Variants in CSMD1 observed in about 807,000 individuals in gnomAD.
CSMD1 encodes the protein CUB and Sushi multiple domains 1, also known as CUB and sushi domain-containing protein 1.
In CSMD1, 213 loss-of-function variants were observed where a neutral mutation model predicts 417.5. That is an observed-to-expected ratio of 0.51 (90% confidence interval 0.46 to 0.57). The LOEUF is 0.57. CSMD1 is among the 20% of genes least tolerant of loss of function. The probability of loss-of-function intolerance (pLI) is 0.00; values close to 1 mark genes in which losing one functional copy is unlikely to be tolerated. For missense variants in CSMD1, 6,923 were observed against 4,529.7 expected (o/e 1.53, Z -15.17); for synonymous variants, 2,862 against 1,736.8 (o/e 1.65, Z -16.11).
intron 1 of CSMD1, among the ~76,000 whole-genome samples, chr8:4,799,504 C>G (rs565171641): frequency 7.3e-6 from 1 of 136,408 alleles, no homozygotes; most frequent in African/African-American, 2.7e-5. Flanking sequence ...GAGCCTGGGG[C>G]AGGAGAATTG....
chr8:4,044,879 G>C lies in CSMD1; in HGVS notation c.416-12780C>G, dbSNP rs61455362. Reference sequence around the variant, plus strand: ...GGACTGCACCATCCTGAACTTTGCAGCCCTCAGGCCCAGACTGACTTCTCC... The same window carrying C: ...GGACTGCACCATCCTGAACTTTGCACCCCTCAGGCCCAGACTGACTTCTCC... On this transcript the variant is annotated intron_variant, in intron 3 of 69. Transcript: ENST00000635120. Among the ~76,000 whole-genome samples the C allele has an allele frequency of 4.1e-3, 625 of 152,338 alleles. 5 individuals are homozygous for C. Among genetic ancestry groups the C allele is most frequent in the Non-Finnish European group, 7.0e-3 (473 of 68,030 alleles).
At chr8:3,188,082 GTATATGTATATATATATACATATACA>G in intron 35 of CSMD1, 117 bp from the exon 36 acceptor site, 1 of 327,438 alleles carries the variant, frequency 3.1e-6, no homozygotes, top group Middle Eastern at 9.1e-4. Flanking sequence ...ATATACATAT[GTATATGTATATATATATACATATACA>G]CCTTAATAAT....
intron 3 of CSMD1, among the ~76,000 whole-genome samples, chr8:4,138,580 G>C (rs1803581961): frequency 6.6e-6 from 1 of 151,956 alleles, no homozygotes. Flanking sequence ...TCAGATCCTA[G>C]ATTCTTAGAA....
chr8:4,447,013 A>T (rs1282458841), intron 2 of CSMD1, among the ~76,000 whole-genome samples: 1 of 151,942 alleles, frequency 6.6e-6, no homozygotes, highest in African/African-American at 2.4e-5. Flanking sequence ...GTTGCATGGA[A>T]GGGATTGTGG....
chr8:4,511,311 T>G (rs559120839), intron 2 of CSMD1, among the ~76,000 whole-genome samples: 2 of 152,142 alleles, frequency 1.3e-5, no homozygotes, highest in Admixed American at 6.5e-5. Flanking sequence ...CCTCATCAAC[T>G]GCCCTCATAG....
chr8:3,501,682 T>C (rs749034600), intron 10 of CSMD1, among the ~76,000 whole-genome samples: 2 of 152,168 alleles, frequency 1.3e-5, no homozygotes, highest in Non-Finnish European at 1.5e-5. Flanking sequence ...TTTCAAACAG[T>C]GAATTTCCTC....
At chr8:3,437,338 G>A (rs1814628921) in intron 12 of CSMD1, among the ~76,000 whole-genome samples, 1 of 152,076 alleles carries the variant, frequency 6.6e-6, no homozygotes, top group Non-Finnish European at 1.5e-5. Context: ...CCTCAACTCG[G>A]GAAATCTTAT....
intron 5 of CSMD1, among the ~76,000 whole-genome samples, chr8:3,756,878 C>T (rs1440742587): frequency 1.3e-5 from 2 of 152,170 alleles, no homozygotes; most frequent in African/African-American, 2.4e-5. Context: ...TCACAGCAGT[C>T]TCCGACTCCT....
intron 3 of CSMD1, among the ~76,000 whole-genome samples, chr8:4,044,692 G>A: frequency 6.6e-6 from 1 of 151,492 alleles, no homozygotes; most frequent in East Asian, 1.9e-4. Context: ...CTACAATCCT[G>A]GCTGCGTACA....
chr8:3,731,682 G>C (rs575110124), intron 6 of CSMD1, among the ~76,000 whole-genome samples: 40 of 152,300 alleles, frequency 2.6e-4, no homozygotes, highest in African/African-American at 9.6e-4. Flanking sequence ...AGCAACAATT[G>C]AGGAAACAAA....
At chr8:4,902,317 G>C (rs1352061760) in intron 1 of CSMD1, among the ~76,000 whole-genome samples, 1 of 151,178 alleles carries the variant, frequency 6.6e-6, no homozygotes, top group African/African-American at 2.4e-5. Context: ...CACGCCTCTA[G>C]TCCCAGCCAC....
chr8:3,441,418 C>T (rs1160707681), intron 12 of CSMD1, among the ~76,000 whole-genome samples: 2 of 151,678 alleles, frequency 1.3e-5, no homozygotes, highest in South Asian at 2.1e-4. Context: ...TAATAAATGA[C>T]ATTGATTTTG....
In CSMD1 at chr8:4,265,107, T is replaced by G. The variant is rs141477848; in HGVS notation, c.415+154846A>C. Among the ~76,000 whole-genome samples, 914 of 152,240 alleles carry G rather than the reference T, an allele frequency of 6.0e-3. 7 individuals are homozygous for G. The highest frequency in any genetic ancestry group is 0.02 in the Middle Eastern group (6 of 294). On this transcript the variant is annotated intron_variant, in intron 3 of 69. Coordinates refer to ENST00000635120, the MANE Select transcript of CSMD1 (RefSeq NM_033225.6). ...TCATCATATTCAGAGCTCTTCAAAT[T>G]AAGTTGAAAAACTGTCCTCTAACTT...
chr8:3,207,945 G>A (rs1797397626), intron 30 of CSMD1, among the ~76,000 whole-genome samples: 1 of 152,090 alleles, frequency 6.6e-6, no homozygotes, highest in Non-Finnish European at 1.5e-5. Context: ...ATAGAATGCT[G>A]GCATCACTCA....
intron 50 of CSMD1, among the ~76,000 whole-genome samples, chr8:3,037,633 G>T (rs957706444): frequency 6.6e-6 from 1 of 152,078 alleles, no homozygotes; most frequent in Admixed American, 6.6e-5. Flanking sequence ...CTGCTGGAGC[G>T]GACGGTAAGA....
At chr8:4,051,352 G>A (rs73496786) in intron 3 of CSMD1, among the ~76,000 whole-genome samples, 2,286 of 151,472 alleles carry the variant, frequency 0.015, 52 homozygotes, top group East Asian at 0.086. Context: ...AGACTCGGCA[G>A]CTTCTTTCAC....
chr8:3,726,160 G>A (rs1802483238), intron 6 of CSMD1, among the ~76,000 whole-genome samples: 1 of 151,952 alleles, frequency 6.6e-6, no homozygotes, highest in South Asian at 2.1e-4. Context: ...GAGGCGTCCT[G>A]CCAATCTCCA....
chr8:3,144,932 C>G (rs1195252917), intron 40 of CSMD1, among the ~76,000 whole-genome samples: 1 of 152,062 alleles, frequency 6.6e-6, no homozygotes, highest in Non-Finnish European at 1.5e-5. Flanking sequence ...GTGGCACATC[C>G]AGATCTGCTT....
chr8:4,552,300 C>T (rs548135297), intron 2 of CSMD1, among the ~76,000 whole-genome samples: 5 of 152,082 alleles, frequency 3.3e-5, no homozygotes, highest in East Asian at 1.9e-4. Context: ...TTCCCTGAAA[C>T]GTTATGCATA....
Sources: allele counts gnomAD v4.1 joint callset (sites outside exome capture counted in the v4.1 genomes callset), GRCh38; gene constraint gnomAD v4.1.1; transcripts MANE v1.5; gene names NCBI Gene and HGNC (gene_info 2026-07-23, HGNC 2026-07-21).